The following KCNK10 variants were observed in gnomAD, a reference collection of about 807,000 sequenced individuals.
KCNK10 encodes potassium two pore domain channel subfamily K member 10.
A neutral mutation model predicts 47.7 loss-of-function variants in KCNK10; 25 were observed. The ratio of observed to expected loss-of-function variants is 0.52; its 90% CI spans 0.38 to 0.73. The LOEUF is 0.73. Ranked by LOEUF, KCNK10 falls within the 30% of genes least tolerant of loss-of-function variation. The probability of loss-of-function intolerance (pLI) is 0.00; values close to 1 mark genes in which losing one functional copy is unlikely to be tolerated. For synonymous variants in KCNK10, 303 were observed against 285.6 expected (o/e 1.06, Z -0.61); for missense variants, 563 against 714.5 (o/e 0.79, Z 2.42).
chr14:88,278,822 T>C (rs906661939), intron 1 of KCNK10, among the ~76,000 whole-genome samples: 5 of 152,202 alleles, frequency 3.3e-5, no homozygotes, highest in African/African-American at 1.2e-4. Context: ...AACAAAGGCA[T>C]AAAAACTGGT....
Position 88,323,036 on chromosome 14 carries a change from G to A in KCNK10, c.-238C>T. The stretch of plus-strand genomic sequence containing the variant: ...GGGGGTGGCCGGCCGCGGCCCCGTG[G>A]GTAAAAGAAAAAGTAAGATCGGCGA... On this transcript the variant is annotated 5_prime_UTR_variant, in exon 1 of 7. Coordinates refer to ENST00000319231, the MANE Select transcript of KCNK10 (RefSeq NM_138317.3). The A allele has an allele frequency of 7.5e-7, 1 of 1,334,596 alleles. No individual in the cohort carries two copies. The highest frequency in any genetic ancestry group is 1.7e-5 in the South Asian group (1 of 58,140). 82.7% of individuals were successfully genotyped at this position (1,334,596 alleles called of 1,614,324 possible). A position where few individuals can be genotyped will look rare whatever the true frequency, so the allele number is the denominator to read the frequency against.
At chr14:88,273,697 G>A (rs577701112) in intron 1 of KCNK10, among the ~76,000 whole-genome samples, 1 of 152,244 alleles carries the variant, frequency 6.6e-6, no homozygotes, top group East Asian at 1.9e-4. Flanking sequence ...TGACGAGATG[G>A]ACTTCTTTAT....
intron 1 of KCNK10, among the ~76,000 whole-genome samples, chr14:88,318,927 G>A (rs1490106266): frequency 1.3e-5 from 2 of 152,166 alleles, no homozygotes; most frequent in Non-Finnish European, 1.5e-5. Context: ...AATACTATTT[G>A]CAGATCTCAC....
chr14:88,261,855 T>C (rs1450918491), intron 2 of KCNK10, among the ~76,000 whole-genome samples: 1 of 152,210 alleles, frequency 6.6e-6, no homozygotes, highest in Non-Finnish European at 1.5e-5. Context: ...ATTTTTAACA[T>C]TTTATTTTTT....
intron 4 of KCNK10, among the ~76,000 whole-genome samples, chr14:88,224,925 AT>A (rs1400975961): frequency 3.3e-5 from 5 of 152,172 alleles, no homozygotes; most frequent in African/African-American, 9.7e-5. Context: ...CCAACTTTAG[AT>A]TTTATTTTTA....
At chr14:88,303,075 C>T (rs1888135903) in intron 1 of KCNK10, among the ~76,000 whole-genome samples, 1 of 152,116 alleles carries the variant, frequency 6.6e-6, no homozygotes, top group Non-Finnish European at 1.5e-5. Flanking sequence ...AAAAAACATC[C>T]TCCATGATAA....
At chr14:88,283,093 C>T (rs1887685197) in intron 1 of KCNK10, among the ~76,000 whole-genome samples, 2 of 152,178 alleles carry the variant, frequency 1.3e-5, no homozygotes, top group Non-Finnish European at 2.9e-5. Flanking sequence ...ATCTATTAAA[C>T]TCCACTGTCT....
At chr14:88,232,531 A>T (rs1886185569) in intron 3 of KCNK10, among the ~76,000 whole-genome samples, 1 of 152,244 alleles carries the variant, frequency 6.6e-6, no homozygotes, top group African/African-American at 2.4e-5. Context: ...CTTACATTGT[A>T]TTAAGGGCTT....
chr14:88,268,888 G>A (rs891694811), intron 1 of KCNK10, among the ~76,000 whole-genome samples: 6 of 152,216 alleles, frequency 3.9e-5, no homozygotes, highest in Admixed American at 6.5e-5. Flanking sequence ...ATGGCTGGGC[G>A]CAGTGGCTCA....
chr14:88,301,199 T>C (rs1888085412), intron 1 of KCNK10, among the ~76,000 whole-genome samples: 1 of 152,176 alleles, frequency 6.6e-6, no homozygotes, highest in Admixed American at 6.5e-5. Context: ...AATATGATAA[T>C]GTACGCAAAA....
intron 2 of KCNK10, among the ~76,000 whole-genome samples, chr14:88,261,063 C>A (rs550438824): frequency 1.3e-5 from 2 of 152,332 alleles, no homozygotes; most frequent in East Asian, 1.9e-4. Flanking sequence ...TAGCTTGTGA[C>A]ATCACCAGTG....
intron 5 of KCNK10, among the ~76,000 whole-genome samples, chr14:88,190,639 T>TA (rs80256485): frequency 2.0e-5 from 3 of 151,624 alleles, no homozygotes; most frequent in East Asian, 1.9e-4. Context: ...AGTTAAAAGC[T>TA]AAAAAAAACT....
At chr14:88,296,258 C>T (rs1392261592) in intron 1 of KCNK10, among the ~76,000 whole-genome samples, 1 of 152,162 alleles carries the variant, frequency 6.6e-6, no homozygotes, top group Non-Finnish European at 1.5e-5. Context: ...TGGAGCAAAG[C>T]CTGAATCCTG....
At chr14:88,246,054 A>G (rs1484253602) in intron 2 of KCNK10, among the ~76,000 whole-genome samples, 1 of 152,128 alleles carries the variant, frequency 6.6e-6, no homozygotes, top group African/African-American at 2.4e-5. Flanking sequence ...GAATGTGGAA[A>G]GTGGTTTCTA....
chr14:88,258,884 G>A (rs1327850383), intron 2 of KCNK10, among the ~76,000 whole-genome samples: 4 of 152,102 alleles, frequency 2.6e-5, no homozygotes, highest in African/African-American at 9.7e-5. Flanking sequence ...CATTTTGAGG[G>A]TATCATGCTT....
At chr14:88,293,200 G>C (rs1353940111) in intron 1 of KCNK10, among the ~76,000 whole-genome samples, 1 of 152,072 alleles carries the variant, frequency 6.6e-6, no homozygotes, top group African/African-American at 2.4e-5. Flanking sequence ...GGCTTTAAAA[G>C]TAAAAATAAA....
At chr14:88,199,557 A>G (rs182553024) in intron 4 of KCNK10, among the ~76,000 whole-genome samples, 125 of 152,298 alleles carry the variant, frequency 8.2e-4, no homozygotes, top group African/African-American at 2.9e-3. Flanking sequence ...TCATGTAGCC[A>G]TAAAACAGAC....
intron 1 of KCNK10, among the ~76,000 whole-genome samples, chr14:88,303,239 A>G (rs28367481): frequency 9.2e-5 from 14 of 152,228 alleles, no homozygotes; most frequent in African/African-American, 2.9e-4. Context: ...ATCCTTGTTC[A>G]GTGAGAACGT....
chr14:88,263,067 TCA>T (rs1887156001), intron 2 of KCNK10, 133 bp downstream of exon 2: 1 of 675,980 alleles, frequency 1.5e-6, no homozygotes, highest in East Asian at 2.7e-5. Context: ...AGCTCACATG[TCA>T]CCTCCCTGGA....
Sources: allele counts gnomAD v4.1 joint callset (sites outside exome capture counted in the v4.1 genomes callset), GRCh38; gene constraint gnomAD v4.1.1; transcripts MANE v1.5; gene names NCBI Gene and HGNC (gene_info 2026-07-23, HGNC 2026-07-21).